RABGAP1: variants seen among roughly 807,000 people sequenced by gnomAD.
RABGAP1 encodes the protein rab GTPase-activating protein 1.
In RABGAP1, 23 loss-of-function variants were observed where a neutral mutation model predicts 137.6. The observed-to-expected ratio is 0.17, with a 90% CI of 0.12 to 0.24. The LOEUF is 0.24. RABGAP1 is among the 10% of genes least tolerant of loss of function. The probability of loss-of-function intolerance (pLI) is 1.00; values close to 1 mark genes in which losing one functional copy is unlikely to be tolerated. For synonymous variants in RABGAP1, 451 were observed against 450.7 expected (o/e 1.00, Z -0.01); for missense variants, 906 against 1,275.8 (o/e 0.71, Z 4.42).
chr9:123,018,196 G>T (rs537082293), intron 12 of RABGAP1, among the ~76,000 whole-genome samples: 2 of 152,046 alleles, frequency 1.3e-5, no homozygotes, highest in Admixed American at 1.3e-4. Flanking sequence ...GGGTTTCACC[G>T]TGTTAGCCAG....
At chr9:122,991,350 A>G (rs567032301) in intron 6 of RABGAP1, among the ~76,000 whole-genome samples, 50 of 152,284 alleles carry the variant, frequency 3.3e-4, no homozygotes, top group African/African-American at 1.1e-3. Flanking sequence ...CTCCATGACT[A>G]CCTCATTAAA....
chr9:122,983,166 C>CA (rs59686226), intron 2 of RABGAP1, among the ~76,000 whole-genome samples: 1,594 of 83,598 alleles, frequency 0.019, 12 homozygotes, highest in African/African-American at 0.04. Flanking sequence ...CTGCGCCCAG[C>CA]AAAAAAAAAA....
At chr9:123,004,170 T>C (rs2029984542) in intron 10 of RABGAP1, among the ~76,000 whole-genome samples, 1 of 152,242 alleles carries the variant, frequency 6.6e-6, no homozygotes, top group Admixed American at 6.5e-5. Context: ...GGAAGTGTGA[T>C]CACTTAATTA....
intron 14 of RABGAP1, among the ~76,000 whole-genome samples, chr9:123,066,358 C>T (rs1222371242): frequency 6.6e-6 from 1 of 152,162 alleles, no homozygotes; most frequent in Non-Finnish European, 1.5e-5. Flanking sequence ...TTATTTCCTG[C>T]TTAAGCAGTG....
intron 13 of RABGAP1, among the ~76,000 whole-genome samples, chr9:123,051,124 T>TA (rs1207193146): frequency 6.6e-6 from 1 of 151,042 alleles, no homozygotes; most frequent in African/African-American, 2.4e-5. Flanking sequence ...TTTTTTTTTT[T>TA]AGGATCTGAA....
chr9:123,027,099 C>T (rs1030454820), intron 13 of RABGAP1, among the ~76,000 whole-genome samples: 31 of 141,786 alleles, frequency 2.2e-4, no homozygotes, highest in African/African-American at 7.9e-4. Context: ...ACATTTCTTT[C>T]TTTCTTTTCT....
intron 4 of RABGAP1, among the ~76,000 whole-genome samples, chr9:122,986,641 T>C (rs1836386372): frequency 6.6e-6 from 1 of 152,216 alleles, no homozygotes. Flanking sequence ...TGTAGTACAT[T>C]AGGCATTTAA....
intron 2 of RABGAP1, among the ~76,000 whole-genome samples, chr9:122,982,869 C>T (rs971596295): frequency 3.9e-5 from 6 of 151,970 alleles, no homozygotes; most frequent in Admixed American, 3.9e-4. Flanking sequence ...TATGATGTCA[C>T]TTTTAAAAAA....
intron 17 of RABGAP1, 60 bp from the exon 18 acceptor site, chr9:123,076,185 A>G (rs1229226982): frequency 1.7e-5 from 26 of 1,537,590 alleles, no homozygotes; most frequent in Non-Finnish European, 2.3e-5. Flanking sequence ...TATAAGGACA[A>G]ATAGCATAAT....
rs760685690 is a variant in RABGAP1 at position 123,074,278 on chromosome 9, A to G, written c.2110-7A>G. ...TGTGCCCAGAACTAATTGGTTTGCTATTTCAGGAATACATTCCTGACCTGT... is the reference window on the plus strand; with the variant it reads ...TGTGCCCAGAACTAATTGGTTTGCTGTTTCAGGAATACATTCCTGACCTGT... On this transcript the variant is annotated splice_polypyrimidine_tract_variant and splice_region_variant and intron_variant, in intron 16 of 25. Coordinates refer to ENST00000373647, the MANE Select transcript of RABGAP1 (RefSeq NM_012197.4). 2.7e-5 allele frequency: 43 copies of G among 1,613,456 alleles called. No homozygotes were observed. The South Asian group carries it at 3.0e-4, about 11-fold the overall frequency.
Position 122,998,722 on chromosome 9 carries a change from A to G in RABGAP1, c.1330A>G (p.Ser444Gly). 6.2e-7 allele frequency: 1 copy of G among 1,611,896 alleles called. No individual in the cohort carries two copies. Among genetic ancestry groups the G allele is most frequent in the Non-Finnish European group, 8.5e-7 (1 of 1,178,486 alleles). ...SPNERLFWPF[S>G]KRSTTENFFL... Reference sequence around the variant, plus strand: ...TAATGAAAGATTATTCTGGCCCTTCAGCAAACGTAGTACTACTGAAAATTT... The same window carrying G: ...TAATGAAAGATTATTCTGGCCCTTCGGCAAACGTAGTACTACTGAAAATTT... Residue 444 changes from serine to glycine, a missense_variant, in exon 10 of 26, where the codon AGC (serine) becomes GGC (glycine). Physicochemically the swap from Ser to Gly is moderately conservative, Grantham distance 56. Transcript: ENST00000373647.
intron 1 of RABGAP1, among the ~76,000 whole-genome samples, chr9:122,943,162 C>T (rs1281042924): frequency 7.0e-6 from 1 of 143,536 alleles, no homozygotes; most frequent in African/African-American, 2.7e-5. Context: ...GCAACCTCCG[C>T]CTCCTGGGTT....
chr9:123,020,906 T>C (rs548768908), intron 13 of RABGAP1: 37 of 910,588 alleles, frequency 4.1e-5, no homozygotes, highest in Non-Finnish European at 4.5e-5. Context: ...TCCTCTAAAG[T>C]GAAAAAAATC....
Position 123,103,384 on chromosome 9 carries a change from G to A in RABGAP1, c.*171G>A, listed in dbSNP as rs1564196687. 2.1e-6 allele frequency: 2 copies of A among 972,998 alleles called. No homozygotes were observed. Among genetic ancestry groups the A allele is most frequent in the Non-Finnish European group, 2.9e-6 (2 of 679,016 alleles). The allele number at this position is 972,998 out of a possible 1,614,324, so 60.3% of individuals were successfully genotyped here. On this transcript the variant is annotated 3_prime_UTR_variant, in exon 26 of 26. Transcript: ENST00000373647. ...AGAGCTTGTGAAGCAGGCAACCTCTGGGGTAAGACTACTGATACTAACAGG... is the reference window on the plus strand; with the variant it reads ...AGAGCTTGTGAAGCAGGCAACCTCTAGGGTAAGACTACTGATACTAACAGG...
At chr9:123,058,022 C>T (rs1278332673) in intron 13 of RABGAP1, among the ~76,000 whole-genome samples, 2 of 123,572 alleles carry the variant, frequency 1.6e-5, no homozygotes, top group East Asian at 2.9e-4. Flanking sequence ...AGCCTCGGCT[C>T]GGCATCAGAG....
intron 13 of RABGAP1, among the ~76,000 whole-genome samples, chr9:123,027,517 C>T (rs552932006): frequency 1.3e-5 from 2 of 152,296 alleles, no homozygotes; most frequent in African/African-American, 2.4e-5. Context: ...GTTATTACTA[C>T]GCAGATTGTT....
chr9:122,973,117 C>T (rs548357692), intron 2 of RABGAP1, among the ~76,000 whole-genome samples: 2 of 152,182 alleles, frequency 1.3e-5, no homozygotes, highest in Non-Finnish European at 2.9e-5. Context: ...CATGTATTTT[C>T]TCCATCTGAC....
At chr9:122,944,347 A>G (rs1758294542) in intron 1 of RABGAP1, among the ~76,000 whole-genome samples, 1 of 150,928 alleles carries the variant, frequency 6.6e-6, no homozygotes, top group South Asian at 2.1e-4. Flanking sequence ...CTCCTGCTTC[A>G]GCCTCCCAAG....
At position 123,022,345 on chromosome 9, in the gene RABGAP1, A is replaced by G. The variant is rs562313534; in HGVS notation, c.1794+1886A>G. Among the ~76,000 whole-genome samples the G allele has an allele frequency of 2.0e-5, 3 of 152,292 alleles. No individual in the cohort carries two copies. The South Asian group carries it at 6.2e-4, about 32-fold the overall frequency. ...AAAGACTATTAACAAAATATGAAAC[A>G]TTTGATTGATTTGTATATACTGGTG... On this transcript the variant is annotated intron_variant, in intron 13 of 25. Transcript: ENST00000373647.
Sources: gnomAD v4.1 joint callset for allele counts (sites outside exome capture counted in the v4.1 genomes callset) on GRCh38, gnomAD v4.1.1 for gene constraint, MANE v1.5 for transcripts, NCBI Gene and HGNC (gene_info 2026-07-23, HGNC 2026-07-21) for gene names.